The following TARS2 variants were observed in gnomAD, a reference collection of about 807,000 sequenced individuals.
TARS2 encodes threonine--tRNA ligase, mitochondrial.
Under a neutral mutation model 94.4 loss-of-function variants are expected in TARS2, and 61 were observed. The ratio of observed to expected loss-of-function variants is 0.65; its 90% CI spans 0.53 to 0.80. The LOEUF (loss-of-function observed/expected upper bound fraction) is 0.80, where lower values mean the gene tolerates loss of function less well. Ranked by LOEUF, TARS2 falls within the 30% of genes least tolerant of loss-of-function variation. TARS2 has a pLI of 0.00. For synonymous variants in TARS2, 359 were observed against 353.4 expected (o/e 1.02, Z -0.18); for missense variants, 704 against 902.5 (o/e 0.78, Z 2.82).
At chr1:150,493,083 A>C (rs1458498692) in intron 7 of TARS2, among the ~76,000 whole-genome samples, 1 of 151,926 alleles carries the variant, frequency 6.6e-6, no homozygotes, top group Non-Finnish European at 1.5e-5. Flanking sequence ...GGGTTTCACC[A>C]TGTTGGCCAG....
chr1:150,490,022 A>T (rs1305820637), intron 3 of TARS2, among the ~76,000 whole-genome samples: 1 of 151,984 alleles, frequency 6.6e-6, no homozygotes, highest in African/African-American at 2.4e-5. Context: ...TATGCTTTGG[A>T]ACTGGGAAGA....
intron 10 of TARS2, 41 bp from the exon 11 acceptor site, chr1:150,498,460 AG>A: frequency 7.2e-6 from 11 of 1,518,038 alleles, no homozygotes; most frequent in Admixed American, 4.7e-5. Flanking sequence ...TTCGGGGGCT[AG>A]TCCTCCCTAT....
intron 13 of TARS2, among the ~76,000 whole-genome samples, chr1:150,499,698 T>G (rs1401789656): frequency 6.6e-6 from 1 of 152,054 alleles, no homozygotes; most frequent in Non-Finnish European, 1.5e-5. Flanking sequence ...ACGTAGGATA[T>G]AAAGAAAAAC....
chr1:150,498,755 G>T, intron 11 of TARS2, 91 bp downstream of exon 11: 1 of 1,607,218 alleles, frequency 6.2e-7, no homozygotes, highest in South Asian at 1.1e-5. Flanking sequence ...TTTGCCCCCT[G>T]TATGTACTAT....
At chr1:150,497,303 G>T (rs1287696644) in intron 9 of TARS2, among the ~76,000 whole-genome samples, 2 of 151,928 alleles carry the variant, frequency 1.3e-5, no homozygotes, top group African/African-American at 2.4e-5. Flanking sequence ...AAAAAAAGGT[G>T]GGGGGGCTGG....
chr1:150,501,633 A>C (rs977980909), intron 13 of TARS2, among the ~76,000 whole-genome samples: 4 of 150,214 alleles, frequency 2.7e-5, no homozygotes, highest in African/African-American at 9.8e-5. Flanking sequence ...ACTGCGCCCG[A>C]CCGTCTCTAC....
chr1:150,501,334 T>TTTTTTTTTCC (rs1553905147), intron 13 of TARS2, among the ~76,000 whole-genome samples: 1 of 98,692 alleles, frequency 1.0e-5, no homozygotes, highest in African/African-American at 4.2e-5. Flanking sequence ...TTTTTTTTTA[T>TTTTTTTTTCC]TGAGACTATG....
In TARS2 at chr1:150,507,289, G is replaced by C. The variant is rs1449321427; in HGVS notation, c.*225G>C. On this transcript the variant is annotated 3_prime_UTR_variant, in exon 18 of 18. Coordinates refer to ENST00000369064, the MANE Select transcript of TARS2 (RefSeq NM_025150.5). ...GAAACTACAAAAAAAAATAAATTGG[G>C]CCAGGCGCAGTGGCTCATGCCTGTA... 1 of 535,150 alleles carries C rather than the reference G, an allele frequency of 1.9e-6. No homozygotes were observed. The highest frequency in any genetic ancestry group is 3.2e-6 in the Non-Finnish European group (1 of 316,918). 33.2% of individuals were successfully genotyped at this position (535,150 alleles called of 1,614,324 possible).
At chr1:150,491,848 G>A (rs587706935) in intron 6 of TARS2, 186 bp downstream of exon 6, 2 of 597,504 alleles carry the variant, frequency 3.3e-6, no homozygotes, top group East Asian at 3.1e-5. Context: ...AGGCTGGAGT[G>A]CGGTAGCACG....
chr1:150,495,336 TACAC>T (rs145397075), intron 7 of TARS2, among the ~76,000 whole-genome samples: 1 of 150,440 alleles, frequency 6.6e-6, no homozygotes, highest in African/African-American at 2.4e-5. Flanking sequence ...CAGATGTATA[TACAC>T]ACACACACAC....
chr1:150,493,802 C>A (rs1282036835), intron 7 of TARS2, among the ~76,000 whole-genome samples: 1 of 151,196 alleles, frequency 6.6e-6, no homozygotes, highest in African/African-American at 2.4e-5. Context: ...AGAAGAGTTA[C>A]TAGATGGAAT....
intron 6 of TARS2, 82 bp from the exon 7 acceptor site, chr1:150,492,328 TC>T: frequency 7.2e-7 from 1 of 1,398,122 alleles, no homozygotes; most frequent in Non-Finnish European, 1.0e-6. Context: ...CTTCACCTCT[TC>T]TGTCAGCTAA....
chr1:150,503,275 A>G (rs990855256), intron 13 of TARS2, among the ~76,000 whole-genome samples: 4 of 152,186 alleles, frequency 2.6e-5, no homozygotes, highest in Admixed American at 6.5e-5. Flanking sequence ...GAATGGTACA[A>G]AGGGAACTAG....
In TARS2 at chr1:150,504,616, C is replaced by G. The variant is rs113876911; in HGVS notation, c.1719-16C>G. The G allele has an allele frequency of 1.1e-4, 183 of 1,612,836 alleles. 1 individual carries two copies. Among genetic ancestry groups the G allele is most frequent in the South Asian group, 2.6e-4 (24 of 91,006 alleles). On this transcript the variant is annotated splice_polypyrimidine_tract_variant and intron_variant, in intron 14 of 17. Coordinates refer to ENST00000369064, the MANE Select transcript of TARS2 (RefSeq NM_025150.5). Reference sequence around the variant, plus strand: ...ACTTCCACCATTCCATCCACCCCCCCCTTTTTCCTTTCAAGGCAGGCGGGT... The same window carrying G: ...ACTTCCACCATTCCATCCACCCCCCGCTTTTTCCTTTCAAGGCAGGCGGGT...
At position 150,492,234 on chromosome 1, in the gene TARS2, G is replaced by T. The variant is rs970389834; in HGVS notation, c.696-177G>T. The T allele has an allele frequency of 4.9e-6, 3 of 606,240 alleles. No homozygotes were observed. In the Admixed American group the frequency reaches 8.8e-5, roughly 18 times the overall value. 37.6% of individuals were successfully genotyped at this position (606,240 alleles called of 1,614,324 possible). On this transcript the variant is annotated intron_variant, in intron 6 of 17. Transcript: ENST00000369064. The stretch of plus-strand genomic sequence containing the variant: ...CCACCTTGGCCTCCCAAAGTTCTGG[G>T]ATTATAGACATGAGCCACCGCGCCC...
At chr1:150,488,858 A>C in intron 2 of TARS2, 106 bp from the exon 3 acceptor site, 2 of 1,475,314 alleles carry the variant, frequency 1.4e-6, no homozygotes. Context: ...TACCACTGTG[A>C]GATCAACTTT....
chr1:150,498,578 G>A lies in TARS2; in HGVS notation c.1315G>A (p.Ala439Thr). 1.2e-6 allele frequency: 2 copies of A among 1,610,692 alleles called. No individual in the cohort carries two copies. The highest frequency in any genetic ancestry group is 1.1e-5 in the South Asian group (1 of 90,534). Residue 439 changes from alanine (A) to threonine (T), a missense_variant, in exon 11 of 18, where the codon GCC becomes ACC. Ala to Thr is a moderately conservative substitution (Grantham distance 58, BLOSUM62 0). Around this residue, in one of 3 missense-constraint regions of TARS2, gnomAD observed 466 missense variants for 609.5 expected, o/e 0.76. Transcript: ENST00000369064. Reference sequence around the variant, plus strand: ...AGCTGACTTTGGGGCTCTACACCGGGCCGAAGCCTCTGGTGGTCTGGGGGG... The same window carrying A: ...AGCTGACTTTGGGGCTCTACACCGGACCGAAGCCTCTGGTGGTCTGGGGGG... Reference protein sequence around the residue: ...RLADFGALHRAEASGGLGGLT... With the variant: ...RLADFGALHRTEASGGLGGLT...
intron 7 of TARS2, among the ~76,000 whole-genome samples, chr1:150,496,203 A>T (rs1285669428): frequency 1.3e-5 from 2 of 152,184 alleles, no homozygotes; most frequent in African/African-American, 4.8e-5. Flanking sequence ...TTAGAATGGG[A>T]AGGAACTAAG....
chr1:150,490,112 GTC>G (rs1669316130), intron 3 of TARS2, among the ~76,000 whole-genome samples: 1 of 94,368 alleles, frequency 1.1e-5, no homozygotes, highest in Non-Finnish European at 2.2e-5. Context: ...TTTCTATTCA[GTC>G]TTTTTTTTTT....
Sources: allele counts gnomAD v4.1 joint callset (sites outside exome capture counted in the v4.1 genomes callset), GRCh38; gene constraint gnomAD v4.1.1; regional missense constraint gnomAD v4.1.1; transcripts MANE v1.5; gene names NCBI Gene and HGNC (gene_info 2026-07-23, HGNC 2026-07-21).